Variants in ERC2 observed in about 807,000 individuals in gnomAD.
ERC2 encodes ELKS/RAB6-interacting/CAST family member 2.
Under a neutral mutation model 114.8 loss-of-function variants are expected in ERC2, and 42 were observed. The observed-to-expected ratio is 0.37, with a 90% CI of 0.29 to 0.47. The LOEUF is 0.47. Ranked by LOEUF, ERC2 falls within the 20% of genes least tolerant of loss-of-function variation. The pLI is 0.99. For missense variants in ERC2, 939 were observed against 1,150.7 expected (o/e 0.82, Z 2.66); for synonymous variants, 454 against 425.5 (o/e 1.07, Z -0.82).
chr3:56,024,951 A>G (rs1459546181), intron 7 of ERC2, among the ~76,000 whole-genome samples: 1 of 152,210 alleles, frequency 6.6e-6, no homozygotes, highest in African/African-American at 2.4e-5. Context: ...CAAGAACATG[A>G]TCCATGGACC....
At chr3:55,691,353 G>A (rs2062629865) in intron 16 of ERC2, among the ~76,000 whole-genome samples, 1 of 151,642 alleles carries the variant, frequency 6.6e-6, no homozygotes, top group Non-Finnish European at 1.5e-5. Flanking sequence ...GGATATCCTT[G>A]GCTACAGTTC....
chr3:55,739,998 A>G (rs1384125819), intron 14 of ERC2, among the ~76,000 whole-genome samples: 3 of 152,160 alleles, frequency 2.0e-5, no homozygotes, highest in Non-Finnish European at 4.4e-5. Context: ...TCCCAACACC[A>G]TTTGTTAAAT....
chr3:56,264,001 T>C (rs769167345), intron 3 of ERC2, among the ~76,000 whole-genome samples: 23 of 152,182 alleles, frequency 1.5e-4, no homozygotes, highest in Middle Eastern at 3.4e-3. Context: ...ATTTAACACA[T>C]GCAAGTAAAT....
At chr3:56,163,398 G>T (rs1036330485) in intron 4 of ERC2, among the ~76,000 whole-genome samples, 3 of 152,016 alleles carry the variant, frequency 2.0e-5, no homozygotes, top group Non-Finnish European at 4.4e-5. Context: ...GTCAAGTGTT[G>T]TGTTTAAGTC....
In ERC2 at chr3:55,942,266, C is replaced by CTTTTTTTTTTTT. The variant is rs56851837; in HGVS notation, c.2403+8147_2403+8158dup. Among the ~76,000 whole-genome samples the CTTTTTTTTTTTT allele has an allele frequency of 4.7e-4, 20 of 42,114 alleles. 2 individuals are homozygous for CTTTTTTTTTTTT. The highest frequency in any genetic ancestry group is 9.3e-4 in the African/African-American group (11 of 11,866). The allele number at this position is 42,114 out of a possible 152,430, so 27.6% of individuals were successfully genotyped here. ...TATTAAATGAAGTCTAAGGTCCTTTCTTTTTTTTTTTTTTTTTTTTTTTTT... is the reference window on the plus strand; with the variant it reads ...TATTAAATGAAGTCTAAGGTCCTTTCTTTTTTTTTTTTTTTTTTTTTTTTTTTTTTTTTTTTT... On this transcript the variant is annotated intron_variant, in intron 13 of 17. Transcript: ENST00000288221.
At chr3:56,153,796 C>A (rs568211258) in intron 4 of ERC2, among the ~76,000 whole-genome samples, 72 of 152,260 alleles carry the variant, frequency 4.7e-4, no homozygotes, top group African/African-American at 1.7e-3. Context: ...CTGAGTGTCA[C>A]AATGTGCTTT....
chr3:56,109,828 G>A (rs750137605), intron 6 of ERC2, among the ~76,000 whole-genome samples: 9 of 152,138 alleles, frequency 5.9e-5, no homozygotes, highest in Non-Finnish European at 1.0e-4. Context: ...AAGGCGCAGA[G>A]AACAAGCTGA....
chr3:56,184,637 G>A (rs78653958), intron 3 of ERC2, among the ~76,000 whole-genome samples: 3,465 of 152,122 alleles, frequency 0.023, 42 homozygotes, highest in Middle Eastern at 0.061. Flanking sequence ...GTACAAGCAC[G>A]GTCAGTCTGA....
chr3:56,265,765 A>G (rs1383728306), intron 3 of ERC2, among the ~76,000 whole-genome samples: 1 of 152,142 alleles, frequency 6.6e-6, no homozygotes, highest in Non-Finnish European at 1.5e-5. Context: ...ACAGTGGCTC[A>G]TGCCTGTAAT....
intron 2 of ERC2, among the ~76,000 whole-genome samples, chr3:56,333,580 A>G (rs924744023): frequency 5.9e-5 from 9 of 152,242 alleles, no homozygotes; most frequent in Admixed American, 3.9e-4. Flanking sequence ...ACCTATGTCT[A>G]TGTAAAAGAT....
At chr3:55,655,174 G>A (rs555044595) in intron 17 of ERC2, among the ~76,000 whole-genome samples, 1 of 152,298 alleles carries the variant, frequency 6.6e-6, no homozygotes, top group African/African-American at 2.4e-5. Context: ...GCAGGACTAA[G>A]CTGCAGTCAC....
chr3:55,763,989 T>C (rs1395293177), intron 14 of ERC2, among the ~76,000 whole-genome samples: 3 of 152,228 alleles, frequency 2.0e-5, no homozygotes, highest in Non-Finnish European at 4.4e-5. Flanking sequence ...CTAACTCTCA[T>C]GCAGACCTAC....
intron 17 of ERC2, among the ~76,000 whole-genome samples, chr3:55,556,343 C>T (rs574275737): frequency 6.6e-6 from 1 of 152,318 alleles, no homozygotes; most frequent in Non-Finnish European, 1.5e-5. Context: ...CAGTGCCCCA[C>T]ATGGAGTCAC....
chr3:55,818,848 T>A (rs2060001701), intron 14 of ERC2, among the ~76,000 whole-genome samples: 1 of 152,222 alleles, frequency 6.6e-6, no homozygotes, highest in Non-Finnish European at 1.5e-5. Context: ...AGAGAAGGAA[T>A]ACGTTTAATA....
chr3:55,943,833 C>T (rs2066961667), intron 13 of ERC2, among the ~76,000 whole-genome samples: 1 of 152,114 alleles, frequency 6.6e-6, no homozygotes, highest in Non-Finnish European at 1.5e-5. Flanking sequence ...AAAATAAGCC[C>T]ATAGATCAGA....
At chr3:55,798,891 G>A (rs908917002) in intron 14 of ERC2, among the ~76,000 whole-genome samples, 4 of 152,100 alleles carry the variant, frequency 2.6e-5, no homozygotes, top group African/African-American at 9.7e-5. Flanking sequence ...GGTAAACCAA[G>A]AACATTATTT....
chr3:56,284,073 A>C (rs910069615), intron 3 of ERC2, among the ~76,000 whole-genome samples: 1 of 152,208 alleles, frequency 6.6e-6, no homozygotes, highest in Non-Finnish European at 1.5e-5. Flanking sequence ...TTCCCATCAA[A>C]ATTCATTCTA....
chr3:56,247,846 TC>T (rs2051825223), intron 3 of ERC2, among the ~76,000 whole-genome samples: 1 of 152,338 alleles, frequency 6.6e-6, no homozygotes, highest in South Asian at 2.1e-4. Context: ...CTCCCACTGA[TC>T]TTTAGATTCT....
At chr3:55,637,156 T>A (rs1381506242) in intron 17 of ERC2, among the ~76,000 whole-genome samples, 1 of 152,238 alleles carries the variant, frequency 6.6e-6, no homozygotes, top group African/African-American at 2.4e-5. Context: ...AAGGTCCTCC[T>A]GGAATGCTCC....
Sources: allele counts gnomAD v4.1 joint callset (sites outside exome capture counted in the v4.1 genomes callset), GRCh38; gene constraint gnomAD v4.1.1; transcripts MANE v1.5; gene names NCBI Gene and HGNC (gene_info 2026-07-23, HGNC 2026-07-21).